The following NCR1 variants were observed in gnomAD, a reference collection of about 807,000 sequenced individuals.
NCR1 encodes NK cell-activating receptor.
Under a neutral mutation model 32.5 loss-of-function variants are expected in NCR1, and 30 were observed. The ratio of observed to expected loss-of-function variants is 0.92; its 90% CI spans 0.69 to 1.25. The LOEUF is 1.25. Ranked by LOEUF, NCR1 falls within the 50% of genes most tolerant of loss-of-function variation. The pLI is 0.00. For synonymous variants in NCR1, 169 were observed against 143.4 expected, an observed-to-expected ratio of 1.18 and a Z score of -1.28; for missense variants, 369 against 380.7, an observed-to-expected ratio of 0.97 and a Z score of 0.26.
At chr19:54,906,138 C>A (rs761712486), upstream of NCR1, 1 of 1,613,414 alleles carries the variant, frequency 6.2e-7, no homozygotes, top group Non-Finnish European at 8.5e-7. Flanking sequence ...CTCCCTGGCC[C>A]GCCCGGCTCA....
chr19:54,904,149 AAAAAG>A (rs1256698595), upstream of NCR1, among the ~76,000 whole-genome samples: 6 of 93,132 alleles, frequency 6.4e-5, no homozygotes, highest in Non-Finnish European at 1.4e-4. Context: ...AAAAAGAAAG[AAAAAG>A]AAAAAGAAAA....
rs989044830 is a variant in NCR1 at position 54,906,888 on chromosome 19, C to T, written c.355+81C>T. On this transcript the variant is annotated intron_variant, in intron 3 of 6. Coordinates refer to ENST00000291890, the MANE Select transcript of NCR1 (RefSeq NM_004829.7). ...CATCATCTATGAACTCTTCCAAGCC[C>T]CACTCAGACACTGCTTGTCTCGGTA... The T allele has an allele frequency of 6.0e-6, 9 of 1,500,472 alleles. No homozygotes were observed. In the African/African-American group the frequency reaches 1.2e-4, roughly 21 times the overall value. The allele number at this position is 1,500,472 out of a possible 1,614,324, so 92.9% of individuals were successfully genotyped here. A position where few individuals can be genotyped will look rare whatever the true frequency, so the allele number is the denominator to read the frequency against.
At chr19:54,899,880 G>A in the NCR1 span, among the ~76,000 whole-genome samples, 1 of 152,124 alleles carries the variant, frequency 6.6e-6, no homozygotes, top group Non-Finnish European at 1.5e-5. Context: ...GACCGGCGCT[G>A]GAGTTTTGGG....
At chr19:54,919,226 CAA>C (rs66961306), downstream of NCR1, among the ~76,000 whole-genome samples, 14,073 of 152,034 alleles carry the variant, frequency 0.093, 693 homozygotes, top group East Asian at 0.2. Context: ...GACAAAGAGA[CAA>C]GAGAAAAGGC....
the NCR1 span, among the ~76,000 whole-genome samples, chr19:54,934,132 G>A: frequency 2.6e-5 from 4 of 152,036 alleles, no homozygotes; most frequent in African/African-American, 4.8e-5. The surrounding 1 kb of genome is among the most constrained non-coding windows in gnomAD (Gnocchi z 6.7). Flanking sequence ...TAGTAGAGAC[G>A]GGGTTTCACC....
At chr19:54,937,600 T>C in the NCR1 span, among the ~76,000 whole-genome samples, 1 of 132,320 alleles carries the variant, frequency 7.6e-6, no homozygotes, top group Non-Finnish European at 1.6e-5. Flanking sequence ...TCAGAAAAAA[T>C]AAAAAATAAA....
chr19:54,901,708 C>T (rs2067305461), upstream of NCR1, among the ~76,000 whole-genome samples: 2 of 152,136 alleles, frequency 1.3e-5, no homozygotes, highest in African/African-American at 4.8e-5. Flanking sequence ...TGGCTCATGC[C>T]TCTAATCCCA....
At chr19:54,901,256 G>T (rs1332771016), upstream of NCR1, among the ~76,000 whole-genome samples, 1 of 149,872 alleles carries the variant, frequency 6.7e-6, no homozygotes, top group Non-Finnish European at 1.5e-5. Context: ...CGCCACTCAG[G>T]AGGCTGAGGC....
At position 54,909,418 on chromosome 19, in the gene NCR1, CT is replaced by C. The variant is rs761503764; in HGVS notation, c.530del (p.Leu177ArgfsTer4). On this transcript the variant is annotated frameshift_variant, in exon 4 of 7. Transcript: ENST00000291890. LOFTEE classifies it high-confidence loss of function. The part of the protein sequence containing the change: ...GYGKVQAEFP[L>X]GPVTTAHRGT... ...CGGGAAGGTCCAGGCGGAGTTCCCC[CT>C]GGGCCCTGTGACCACAGCCCACAGA... 2 of 1,613,850 alleles carry C rather than the reference CT, an allele frequency of 1.2e-6. No individual in the cohort carries two copies. The highest frequency in any genetic ancestry group is 1.7e-5 in the Admixed American group (1 of 60,022).
chr19:54,934,571 A>G, the NCR1 span: 9 of 1,614,114 alleles, frequency 5.6e-6, no homozygotes, highest in African/African-American at 9.3e-5. This position sits in a 1 kb window ranked among gnomAD's most constrained non-coding sequence, Gnocchi z 6.7. Flanking sequence ...ACATTGGCTG[A>G]GAGACGCAGG....
intron 3 of NCR1, among the ~76,000 whole-genome samples, chr19:54,908,560 C>T (rs1290986985): frequency 2.0e-5 from 3 of 151,710 alleles, no homozygotes; most frequent in African/African-American, 7.3e-5. Flanking sequence ...CCAGACGGGG[C>T]GGCCGGGCAG....
chr19:54,914,100 T>C (rs557927167), downstream of NCR1, among the ~76,000 whole-genome samples: 21 of 147,406 alleles, frequency 1.4e-4, no homozygotes, highest in South Asian at 6.4e-4. Flanking sequence ...AATAAGTGAC[T>C]CCTGGCTGCA....
the NCR1 span, among the ~76,000 whole-genome samples, chr19:54,935,418 A>G: frequency 2.0e-5 from 3 of 152,090 alleles, no homozygotes; most frequent in Admixed American, 1.3e-4. Flanking sequence ...TATCCTGGCC[A>G]GGCGCAGTGG....
rs779959744 is a variant in NCR1, at chr19:54,906,616, C to T, written c.164C>T (p.Ala55Val). 3.1e-6 allele frequency: 5 copies of T among 1,614,196 alleles called. No individual in the cohort carries two copies. The highest frequency in any genetic ancestry group is 8.5e-7 in the Non-Finnish European group (1 of 1,180,044). Reference protein sequence around the residue: ...VTICCQGNYGAVEYQLHFEGS... With the variant: ...VTICCQGNYGVVEYQLHFEGS... ...ATCTGTTGCCAGGGAAATTATGGGG[C>T]TGTTGAATACCAGCTGCACTTTGAA... is the stretch of plus-strand genomic sequence containing the variant. The change falls in exon 3 of 7, where the codon GCT becomes GTT. Residue 55 changes from alanine (A) to valine (V), a missense_variant. By Grantham distance (64) the Ala-to-Val change is moderately conservative (BLOSUM62 0). Transcript: ENST00000291890.
chr19:54,931,860 A>AAT, the NCR1 span, among the ~76,000 whole-genome samples: 3,201 of 150,108 alleles, frequency 0.021, 103 homozygotes, highest in African/African-American at 0.072. Context: ...AAAAAAAAAA[A>AAT]CATCCAAATG....
chr19:54,930,492 C>A, the NCR1 span: 1 of 1,589,484 alleles, frequency 6.3e-7, no homozygotes, highest in Non-Finnish European at 8.6e-7. Flanking sequence ...AAAAGAAAAT[C>A]GCCTACCGTA....
rs1225810982 is a variant in NCR1, at chr19:54,906,824, C to G, written c.355+17C>G. On this transcript the variant is annotated intron_variant, in intron 3 of 6. Coordinates refer to ENST00000291890, the MANE Select transcript of NCR1 (RefSeq NM_004829.7). ...TGGTAACAGGTAACTGTCCGGTTCTCTAACTGGAGAGTGATCTCAGTCTGC... is the reference window on the plus strand; with the variant it reads ...TGGTAACAGGTAACTGTCCGGTTCTGTAACTGGAGAGTGATCTCAGTCTGC... 2 of 1,612,426 alleles carry G rather than the reference C, an allele frequency of 1.2e-6. No individual in the cohort carries two copies. The highest frequency in any genetic ancestry group is 1.1e-5 in the South Asian group (1 of 91,042).
In NCR1 at chr19:54,909,415, C is replaced by T; in HGVS notation, c.526C>T (p.Pro176Ser). The change falls in exon 4 of 7, where the codon CCC (proline) becomes TCC (serine). Residue 176 changes from proline to serine, a missense_variant. Coordinates refer to ENST00000291890, the MANE Select transcript of NCR1 (RefSeq NM_004829.7). ...RGYGKVQAEF[P>S]LGPVTTAHRG... is the part of the protein sequence containing the mutation. ...ATACGGGAAGGTCCAGGCGGAGTTC[C>T]CCCTGGGCCCTGTGACCACAGCCCA... 1 of 1,613,806 alleles carries T rather than the reference C, an allele frequency of 6.2e-7. No individual in the cohort carries two copies. Among genetic ancestry groups the T allele is most frequent in the Non-Finnish European group, 8.5e-7 (1 of 1,180,028 alleles).
In NCR1 at chr19:54,910,987, G is replaced by A. The variant is rs942837977; in HGVS notation, c.682+922G>A. Among the ~76,000 whole-genome samples the A allele has an allele frequency of 2.6e-5, 4 of 152,152 alleles. 1 individual carries two copies. Among genetic ancestry groups the A allele is most frequent in the Admixed American group, 2.0e-4 (3 of 15,252 alleles). On this transcript the variant is annotated intron_variant, in intron 5 of 6. Transcript: ENST00000291890. ...GGGGTAATACAATAATAACTATGAG[G>A]CCAGGAGGGTTGAAAATGATGTTTG...
Sources: gnomAD v4.1 joint callset for allele counts (sites outside exome capture counted in the v4.1 genomes callset) on GRCh38, gnomAD v4.1.1 for gene constraint, Gnocchi (gnomAD v3.1) non-coding constraint, MANE v1.5 for transcripts, NCBI Gene and HGNC (gene_info 2026-07-23, HGNC 2026-07-21) for gene names.